The following TTC39C variants were observed in gnomAD, a reference collection of about 807,000 sequenced individuals.
TTC39C encodes the protein tetratricopeptide repeat protein 39C.
TTC39C carries 33 observed loss-of-function variants against 76.3 expected under a neutral mutation model. That is an observed-to-expected ratio of 0.43 (90% CI 0.33 to 0.58). The LOEUF (loss-of-function observed/expected upper bound fraction) is 0.58, where lower values mean the gene tolerates loss of function less well. TTC39C is among the 20% of genes least tolerant of loss of function. The pLI is 0.04. For synonymous variants in TTC39C, 254 were observed against 260.6 expected, an observed-to-expected ratio of 0.97 and a Z score of 0.24; for missense variants, 595 against 701.4, an observed-to-expected ratio of 0.85 and a Z score of 1.71.
upstream of TTC39C, among the ~76,000 whole-genome samples, chr18:24,011,637 A>C (rs1219984846): frequency 1.3e-5 from 2 of 152,188 alleles, no homozygotes; most frequent in Non-Finnish European, 2.9e-5. Context: ...TGCAACCACA[A>C]CACCTTATTT....
intron 6 of TTC39C, among the ~76,000 whole-genome samples, chr18:24,103,749 C>G (rs961616596): frequency 2.8e-5 from 3 of 108,752 alleles, no homozygotes; most frequent in Non-Finnish European, 3.5e-5. Flanking sequence ...CACTGTTTTT[C>G]TCCTGGATGG....
intron 6 of TTC39C, among the ~76,000 whole-genome samples, chr18:24,090,063 A>T (rs906305077): frequency 3.9e-5 from 6 of 152,124 alleles, no homozygotes; most frequent in Admixed American, 1.3e-4. Context: ...TATTAACATA[A>T]TTTTTTAAGT....
chr18:24,050,550 C>G (rs1251099891), intron 1 of TTC39C, among the ~76,000 whole-genome samples: 1 of 101,786 alleles, frequency 9.8e-6, no homozygotes, highest in Admixed American at 1.3e-4. Context: ...GGTGACAAAG[C>G]AAGACCCTGT....
intron 4 of TTC39C, among the ~76,000 whole-genome samples, chr18:24,076,602 G>A (rs2084310983): frequency 1.3e-5 from 2 of 152,058 alleles, no homozygotes; most frequent in South Asian, 4.2e-4. Flanking sequence ...GGGATGGAGA[G>A]TAGGGCAAGT....
intron 10 of TTC39C, among the ~76,000 whole-genome samples, 191 bp from the exon 11 acceptor site, chr18:24,128,695 G>A (rs2085082113): frequency 6.6e-6 from 1 of 152,142 alleles, no homozygotes; most frequent in Admixed American, 6.5e-5. Flanking sequence ...ATGGAAAGGT[G>A]CCTATGGTAT....
At chr18:24,009,379 C>T (rs754144970) in intron 1 of TTC39C, among the ~76,000 whole-genome samples, 3 of 152,160 alleles carry the variant, frequency 2.0e-5, no homozygotes, top group South Asian at 2.1e-4. Flanking sequence ...AAACCAGAGA[C>T]GGCCTCTCCC....
intron 1 of TTC39C, chr18:24,022,580 G>C: frequency 1.0e-6 from 1 of 985,390 alleles, no homozygotes; most frequent in Non-Finnish European, 1.2e-6. Flanking sequence ...TCCTGTCAAA[G>C]CCATTTTGGG....
intron 6 of TTC39C, among the ~76,000 whole-genome samples, chr18:24,085,137 G>A (rs747248383): frequency 6.6e-6 from 1 of 152,204 alleles, no homozygotes; most frequent in Non-Finnish European, 1.5e-5. Context: ...ATGGTGACAG[G>A]TTACTGTTTC....
intron 1 of TTC39C, among the ~76,000 whole-genome samples, chr18:24,009,523 GA>G (rs2083379691): frequency 6.6e-6 from 1 of 152,200 alleles, no homozygotes; most frequent in South Asian, 2.1e-4. Flanking sequence ...AGGGATGGTA[GA>G]TCCAGGGAAC....
At chr18:24,100,966 G>A (rs1338384437) in intron 6 of TTC39C, among the ~76,000 whole-genome samples, 1 of 152,104 alleles carries the variant, frequency 6.6e-6, no homozygotes, top group Non-Finnish European at 1.5e-5. Context: ...CTTTAGTTTT[G>A]CACTGTGATT....
In TTC39C at chr18:24,125,430, G is replaced by C. The variant is rs1384718487; in HGVS notation, c.1300G>C (p.Glu434Gln). The C allele has an allele frequency of 2.7e-5, 44 of 1,614,056 alleles. No individual in the cohort carries two copies. Among genetic ancestry groups the C allele is most frequent in the Non-Finnish European group, 3.3e-5 (39 of 1,180,036 alleles). ...QIEQFSVKKA[E>Q]RFRKQTPTKA... is the part of the protein sequence containing the mutation. ...TGTTTATTCTGACTCCTTGCAGGCA[G>C]AGCGATTTCGGAAGCAAACCCCAAC... The change falls in exon 10 of 14, where the codon GAG becomes CAG. Residue 434 changes from glutamate (E) to glutamine (Q), a missense_variant. Physicochemically the swap from Glu to Gln is conservative, Grantham distance 29. Transcript: ENST00000317571.
intron 8 of TTC39C, among the ~76,000 whole-genome samples, chr18:24,122,500 CAA>C (rs36002596): frequency 2.0e-5 from 1 of 51,052 alleles, no homozygotes; most frequent in East Asian, 6.8e-4. Flanking sequence ...GACTCCATCT[CAA>C]AAAAAAAAAA....
chr18:24,117,540 A>G (rs1177485324), intron 7 of TTC39C, among the ~76,000 whole-genome samples: 1 of 151,986 alleles, frequency 6.6e-6, no homozygotes, highest in East Asian at 1.9e-4. Context: ...CATCTCTACT[A>G]AAAATACAAA....
intron 1 of TTC39C, among the ~76,000 whole-genome samples, chr18:24,022,246 A>G (rs1230619275): frequency 6.7e-6 from 1 of 148,924 alleles, no homozygotes; most frequent in African/African-American, 2.5e-5. Context: ...ATGACTACAT[A>G]TGTGACTTAG....
intron 4 of TTC39C, among the ~76,000 whole-genome samples, chr18:24,077,453 T>G (rs1409664923): frequency 1.3e-5 from 2 of 152,238 alleles, no homozygotes; most frequent in African/African-American, 4.8e-5. Context: ...ACTCATCATC[T>G]CAGCGTTGTT....
intron 6 of TTC39C, among the ~76,000 whole-genome samples, chr18:24,107,516 G>T (rs1217022880): frequency 6.6e-6 from 1 of 152,234 alleles, no homozygotes; most frequent in East Asian, 1.9e-4. Flanking sequence ...CTGTTCTCGT[G>T]ATAGTGAGTG....
intron 7 of TTC39C, among the ~76,000 whole-genome samples, chr18:24,116,487 C>T (rs903958018): frequency 2.6e-5 from 4 of 152,156 alleles, no homozygotes; most frequent in Non-Finnish European, 5.9e-5. Context: ...GCAGAGGTTG[C>T]AGTGACCTGA....
chr18:24,070,332 C>A (rs1384600573), intron 4 of TTC39C, among the ~76,000 whole-genome samples: 2 of 152,194 alleles, frequency 1.3e-5, no homozygotes, highest in East Asian at 3.8e-4. Flanking sequence ...CAGGACTCTT[C>A]TAACAATACC....
chr18:24,034,299 G>C (rs958881938), intron 1 of TTC39C, among the ~76,000 whole-genome samples: 1 of 152,200 alleles, frequency 6.6e-6, no homozygotes, highest in African/African-American at 2.4e-5. Flanking sequence ...TATCTTACAA[G>C]AAGAGGGCAC....
Sources: gnomAD v4.1 joint callset for allele counts (sites outside exome capture counted in the v4.1 genomes callset) on GRCh38, gnomAD v4.1.1 for gene constraint, MANE v1.5 for transcripts, NCBI Gene and HGNC (gene_info 2026-07-23, HGNC 2026-07-21) for gene names.